CCDC89: variants seen among roughly 807,000 people sequenced by gnomAD.
CCDC89 encodes the protein coiled-coil domain-containing protein 89.
Under a neutral mutation model 29.3 loss-of-function variants are expected in CCDC89, and 28 were observed. The ratio of observed to expected loss-of-function variants is 0.96; its 90% confidence interval spans 0.71 to 1.31. CCDC89 has a LOEUF of 1.31. CCDC89 is among the 50% of genes most tolerant of loss of function. CCDC89 has a pLI of 0.00. For synonymous variants in CCDC89, 191 were observed against 179.7 expected, an observed-to-expected ratio of 1.06 and a Z score of -0.51; for missense variants, 484 against 442.3, an observed-to-expected ratio of 1.09 and a Z score of -0.85.
Position 85,685,357 on chromosome 11 carries a change from G to A in CCDC89, c.774C>T (p.Ser258=). 6.2e-7 allele frequency: 1 copy of A among 1,609,052 alleles called. No individual in the cohort carries two copies. The highest frequency in any genetic ancestry group is 8.5e-7 in the Non-Finnish European group (1 of 1,179,984). The change falls in exon 1 of 1, where the codon AGC becomes AGT. Residue 258 remains serine, a synonymous_variant. Coordinates refer to ENST00000316398, the MANE Select transcript of CCDC89 (RefSeq NM_152723.3). ...AKAEETHSSL[S]QELQARLQTV... is the part of the protein sequence containing the mutation. Reference sequence around the variant, plus strand: ...TCTGCAGCCTGGCCTGCAGCTCCTGGCTCAGGCTGCTGTGTGTCTCCTCTG... The same window carrying A: ...TCTGCAGCCTGGCCTGCAGCTCCTGACTCAGGCTGCTGTGTGTCTCCTCTG...
chr11:85,685,364 C>A lies in CCDC89; in HGVS notation c.767G>T (p.Ser256Ile). 6.2e-7 allele frequency: 1 copy of A among 1,609,642 alleles called. No individual in the cohort carries two copies. ...CCTGGCCTGCAGCTCCTGGCTCAGGCTGCTGTGTGTCTCCTCTGCCTTAGC... is the reference window on the plus strand; with the variant it reads ...CCTGGCCTGCAGCTCCTGGCTCAGGATGCTGTGTGTCTCCTCTGCCTTAGC... Reference protein sequence around the residue: ...QIAKAEETHSSLSQELQARLQ... With the variant: ...QIAKAEETHSILSQELQARLQ... The change falls in exon 1 of 1, where the codon AGC becomes ATC. Residue 256 changes from serine (S) to isoleucine (I), a missense_variant. By Grantham distance (142) the Ser-to-Ile change is moderately radical (BLOSUM62 -2). Transcript: ENST00000316398.
Position 85,685,434 on chromosome 11 carries a change from G to A in CCDC89, c.697C>T (p.Leu233=), listed in dbSNP as rs1278056419. The part of the protein sequence containing the change: ...TKETEQLRSQ[L]QTLKQQHQQA... The stretch of plus-strand genomic sequence containing the variant: ...TGGTGCTGCTGCTTGAGGGTCTGCA[G>A]CTGGCTGCGCAGCTGTTCTGTCTCC... The change falls in exon 1 of 1, where the codon CTG becomes TTG. Residue 233 remains leucine, a synonymous_variant. Transcript: ENST00000316398. The A allele has an allele frequency of 6.2e-7, 1 of 1,612,884 alleles. No individual in the cohort carries two copies.
In CCDC89 at chr11:85,685,465, G is replaced by A. The variant is rs375713359; in HGVS notation, c.666C>T (p.His222=). 17 of 1,613,374 alleles carry A rather than the reference G, an allele frequency of 1.1e-5. 1 individual carries two copies. The highest frequency in any genetic ancestry group is 1.6e-4 in the Middle Eastern group (1 of 6,062). ...LELQSQQACT[H]TKETEQLRSQ... is the part of the protein sequence containing the mutation. ...TGCGCAGCTGTTCTGTCTCCTTGGT[G>A]TGGGTGCAGGCCTGCTGGCTCTGTA... The change falls in exon 1 of 1, where the codon CAC becomes CAT. Residue 222 remains histidine (H), a synonymous_variant. Transcript: ENST00000316398.
At position 85,685,087 on chromosome 11, in the gene CCDC89, A is replaced by AG. The variant is rs750747846; in HGVS notation, c.1043dup (p.Glu349Ter). On this transcript the variant is annotated frameshift_variant, in exon 1 of 1. Coordinates refer to ENST00000316398, the MANE Select transcript of CCDC89 (RefSeq NM_152723.3). LOFTEE classifies it high-confidence loss of function. ...CCAAGCTGTGCTTTTTGAAGGCTTC[A>AG]GACTGCAGCCTGAGTTCATCGTAGG... The AG allele has an allele frequency of 3.7e-6, 6 of 1,614,108 alleles. No homozygotes were observed. The highest frequency in any genetic ancestry group is 3.3e-5 in the Admixed American group (2 of 60,012).
rs1243302255 is a variant in CCDC89, at chr11:85,685,094, AGCCTGAGTTCATCGTAG to A, written c.1020_1036del (p.Tyr341AlafsTer3). On this transcript the variant is annotated frameshift_variant, in exon 1 of 1. Transcript: ENST00000316398. LOFTEE classifies it high-confidence loss of function. ...GTGCTTTTTGAAGGCTTCAGACTGCAGCCTGAGTTCATCGTAGGCCTTCTGGATCCCATCTACTTTGC... is the reference window on the plus strand; with the variant it reads ...GTGCTTTTTGAAGGCTTCAGACTGCAGCCTTCTGGATCCCATCTACTTTGC... The A allele has an allele frequency of 6.2e-7, 1 of 1,614,230 alleles. No homozygotes were observed.
Position 85,686,133 on chromosome 11 carries a change from A to G in CCDC89, c.-3T>C, listed in dbSNP as rs1181006457. ...TTCTGGAGCATAGGCGCTCTCATCCACTAAGGGCTGACTACAGTCTTTTCC... is the reference window on the plus strand; with the variant it reads ...TTCTGGAGCATAGGCGCTCTCATCCGCTAAGGGCTGACTACAGTCTTTTCC... On this transcript the variant is annotated 5_prime_UTR_variant, in exon 1 of 1. Coordinates refer to ENST00000316398, the MANE Select transcript of CCDC89 (RefSeq NM_152723.3). The G allele has an allele frequency of 6.2e-7, 1 of 1,610,204 alleles. No homozygotes were observed.
At position 85,686,195 on chromosome 11, in the gene CCDC89, C is replaced by T. The variant is rs774824999; in HGVS notation, c.-65G>A. ...AAACGCTGCAGGGTGTTGCTAGGGA[C>T]TCTTGGCACTCCCCAGCAGTTGGTT... On this transcript the variant is annotated 5_prime_UTR_variant, in exon 1 of 1. Coordinates refer to ENST00000316398, the MANE Select transcript of CCDC89 (RefSeq NM_152723.3). 1 of 1,510,680 alleles carries T rather than the reference C, an allele frequency of 6.6e-7. No homozygotes were observed. Among genetic ancestry groups the T allele is most frequent in the Non-Finnish European group, 8.9e-7 (1 of 1,122,794 alleles). The allele number at this position is 1,510,680 out of a possible 1,614,324, so 93.6% of individuals were successfully genotyped here. A position where few individuals can be genotyped will look rare whatever the true frequency, so the allele number is the denominator to read the frequency against.
chr11:85,685,239 C>T lies in CCDC89; in HGVS notation c.892G>A (p.Glu298Lys). Residue 298 changes from glutamate to lysine, a missense_variant, in exon 1 of 1, where the codon GAA (glutamate) becomes AAA (lysine). Coordinates refer to ENST00000316398, the MANE Select transcript of CCDC89 (RefSeq NM_152723.3). ...TCTTCATTTGCTATCTCCAACTTTTCCTCAAGCTGGCAGATCTCTGCCTGT... is the reference window on the plus strand; with the variant it reads ...TCTTCATTTGCTATCTCCAACTTTTTCTCAAGCTGGCAGATCTCTGCCTGT... ...NKQAEICQLE[E>K]KLEIANEDRK... 1 of 1,613,180 alleles carries T rather than the reference C, an allele frequency of 6.2e-7. No homozygotes were observed. Among genetic ancestry groups the T allele is most frequent in the Non-Finnish European group, 8.5e-7 (1 of 1,180,040 alleles).
rs2083005305 is a variant in CCDC89, at chr11:85,684,947, A to G, written c.*59T>C. ...GGGATATCATCTTTACTCTTGCCAT[A>G]ATGCTAAGACGCAAATATTTGAATT... On this transcript the variant is annotated 3_prime_UTR_variant, in exon 1 of 1. Transcript: ENST00000316398. 2.0e-6 allele frequency: 3 copies of G among 1,519,670 alleles called. No individual in the cohort carries two copies. Among genetic ancestry groups the G allele is most frequent in the Non-Finnish European group, 2.7e-6 (3 of 1,129,994 alleles). The allele number at this position is 1,519,670 out of a possible 1,614,324, so 94.1% of individuals were successfully genotyped here.
rs184743326 is a variant in CCDC89 at position 85,684,124 on chromosome 11, G to A, written c.*882C>T. Among the ~76,000 whole-genome samples the A allele has an allele frequency of 2.4e-4, 36 of 152,054 alleles. No homozygotes were observed. The East Asian group carries it at 5.2e-3, about 22-fold the overall frequency. ...ATGTAGGTATTACTACAAAAATGCTGCAAGCATACATACACACGTTCAGCT... is the reference window on the plus strand; with the variant it reads ...ATGTAGGTATTACTACAAAAATGCTACAAGCATACATACACACGTTCAGCT... On this transcript the variant is annotated 3_prime_UTR_variant, in exon 1 of 1. Coordinates refer to ENST00000316398, the MANE Select transcript of CCDC89 (RefSeq NM_152723.3).
Position 85,684,535 on chromosome 11 carries a change from C to G in CCDC89, c.*471G>C, listed in dbSNP as rs960062575. On this transcript the variant is annotated 3_prime_UTR_variant, in exon 1 of 1. Transcript: ENST00000316398. ...CAGACACTTTTTTTTTTCTGCAAAG[C>G]ATTCATGCTATTATGCTGATACATG... is the stretch of plus-strand genomic sequence containing the variant. 3.9e-5 allele frequency among the ~76,000 whole-genome samples: 6 copies of G among 152,032 alleles called. No individual in the cohort carries two copies. The highest frequency in any genetic ancestry group is 1.4e-4 in the African/African-American group (6 of 41,398).
rs2083010636 is a variant in CCDC89, at chr11:85,685,503, CCTT to C, written c.625_627del (p.Lys209del). 5 of 1,613,878 alleles carry C rather than the reference CCTT, an allele frequency of 3.1e-6. No homozygotes were observed. The South Asian group carries it at 5.5e-5, about 18-fold the overall frequency. On this transcript the variant is annotated inframe_deletion, in exon 1 of 1. Transcript: ENST00000316398. ...TGCTGGCTCTGTAGCTCCAGCAGCT[CCTT>C]CTCGCGCGCCTGTGCCTGGCAGGCA...
At position 85,685,481 on chromosome 11, in the gene CCDC89, T is replaced by C. The variant is rs777792813; in HGVS notation, c.650A>G (p.Gln217Arg). 22 of 1,613,530 alleles carry C rather than the reference T, an allele frequency of 1.4e-5. No homozygotes were observed. The highest frequency in any genetic ancestry group is 1.7e-5 in the Non-Finnish European group (20 of 1,180,028). The change falls in exon 1 of 1, where the codon CAG becomes CGG. Residue 217 changes from glutamine (Q) to arginine (R), a missense_variant. By Grantham distance (43) the Gln-to-Arg change is conservative. Transcript: ENST00000316398. The stretch of plus-strand genomic sequence containing the variant: ...CTCCTTGGTGTGGGTGCAGGCCTGC[T>C]GGCTCTGTAGCTCCAGCAGCTCCTT... ...REKELLELQS[Q>R]QACTHTKETE...
chr11:85,685,188 CA>C lies in CCDC89; in HGVS notation c.942del (p.Phe314LeufsTer12), dbSNP rs780507184. On this transcript the variant is annotated frameshift_variant, in exon 1 of 1. Transcript: ENST00000316398. LOFTEE classifies it high-confidence loss of function. ...CTGTCCACAGCCACTGCCTCTTGCT[CA>C]AACCGCTCCAGCGCATGCTTCCTGT... Reference protein sequence around the residue: ...NEDRKHALERFEQEAVAVDSN... With the variant: ...NEDRKHALERXEQEAVAVDSN... 1 of 1,614,188 alleles carries C rather than the reference CA, an allele frequency of 6.2e-7. No individual in the cohort carries two copies. Among genetic ancestry groups the C allele is most frequent in the South Asian group, 1.1e-5 (1 of 91,086 alleles).
In CCDC89 at chr11:85,685,633, G is replaced by C. The variant is rs1697433929; in HGVS notation, c.498C>G (p.Ser166Arg). The change falls in exon 1 of 1, where the codon AGC becomes AGG. Residue 166 changes from serine (S) to arginine (R), a missense_variant. By Grantham distance (110) the Ser-to-Arg change is moderately radical (BLOSUM62 -1). Transcript: ENST00000316398. ...TCGCCTCCTCATCCTTCAGAGCCTGGCTGAAGAGGCTGCTATTCTCCAGCC... is the reference window on the plus strand; with the variant it reads ...TCGCCTCCTCATCCTTCAGAGCCTGCCTGAAGAGGCTGCTATTCTCCAGCC... ...KLRLENSSLF[S>R]QALKDEEAKV... The C allele has an allele frequency of 6.2e-7, 1 of 1,613,998 alleles. No homozygotes were observed. The highest frequency in any genetic ancestry group is 8.5e-7 in the Non-Finnish European group (1 of 1,180,034).
Position 85,685,945 on chromosome 11 carries a change from C to G in CCDC89, c.186G>C (p.Glu62Asp). ...LRGLSEEERS[E>D]KAMLRSRIEE... ...CAATGCGGGAGCGAAGCATAGCCTT[C>G]TCGCTCCTCTCCTCCTCTGACAGTC... Residue 62 changes from glutamate (E) to aspartate (D), a missense_variant, in exon 1 of 1, where the codon GAG becomes GAC. By Grantham distance (45) the Glu-to-Asp change is conservative. Transcript: ENST00000316398. 4 of 1,614,200 alleles carry G rather than the reference C, an allele frequency of 2.5e-6. No homozygotes were observed. The highest frequency in any genetic ancestry group is 3.4e-6 in the Non-Finnish European group (4 of 1,180,024).
chr11:85,684,499 TA>T lies in CCDC89; in HGVS notation c.*506del, dbSNP rs1223184242. Among the ~76,000 whole-genome samples, 2 of 152,162 alleles carry T rather than the reference TA, an allele frequency of 1.3e-5. No homozygotes were observed. Among genetic ancestry groups the T allele is most frequent in the Non-Finnish European group, 2.9e-5 (2 of 68,016 alleles). ...AATCATTTTCCAAGCTAGCGCAAAA[TA>T]AAATAAAGTCAGACACTTTTTTTTT... is the stretch of plus-strand genomic sequence containing the variant. On this transcript the variant is annotated 3_prime_UTR_variant, in exon 1 of 1. Transcript: ENST00000316398.
Position 85,686,094 on chromosome 11 carries a change from T to A in CCDC89, c.37A>T (p.Arg13Trp). 1 of 1,614,052 alleles carries A rather than the reference T, an allele frequency of 6.2e-7. No homozygotes were observed. The highest frequency in any genetic ancestry group is 8.5e-7 in the Non-Finnish European group (1 of 1,179,976). ...APMLQKQQAP[R>W]MDTPPPEERL... ...TCTTCAGGGGGCGGGGTGTCCATCC[T>A]GGGAGCCTGCTGTTTCTGGAGCATA... The change falls in exon 1 of 1, where the codon AGG (arginine) becomes TGG (tryptophan). Residue 13 changes from arginine (R) to tryptophan (W), a missense_variant. Arg to Trp is a moderately radical substitution (Grantham distance 101, BLOSUM62 -3). Coordinates refer to ENST00000316398, the MANE Select transcript of CCDC89 (RefSeq NM_152723.3).
At position 85,685,463 on chromosome 11, in the gene CCDC89, G is replaced by T; in HGVS notation, c.668C>A (p.Thr223Asn). 1.2e-6 allele frequency: 2 copies of T among 1,613,344 alleles called. No homozygotes were observed. The highest frequency in any genetic ancestry group is 1.7e-6 in the Non-Finnish European group (2 of 1,180,032). ...ELQSQQACTH[T>N]KETEQLRSQL... is the part of the protein sequence containing the mutation. ...GCTGCGCAGCTGTTCTGTCTCCTTG[G>T]TGTGGGTGCAGGCCTGCTGGCTCTG... Residue 223 changes from threonine to asparagine, a missense_variant, in exon 1 of 1, where the codon ACC becomes AAC. Thr to Asn is a moderately conservative substitution (Grantham distance 65). Coordinates refer to ENST00000316398, the MANE Select transcript of CCDC89 (RefSeq NM_152723.3).
Sources: allele counts gnomAD v4.1 joint callset (sites outside exome capture counted in the v4.1 genomes callset), GRCh38; gene constraint gnomAD v4.1.1; transcripts MANE v1.5; gene names NCBI Gene and HGNC (gene_info 2026-07-23, HGNC 2026-07-21).